Variants in ATAD1 observed in about 807,000 individuals in gnomAD.
The protein encoded by ATAD1 is outer mitochondrial transmembrane helix translocase.
In ATAD1, 18 loss-of-function variants were observed where a neutral mutation model predicts 42.7. That is an observed-to-expected ratio of 0.42 (90% CI 0.29 to 0.63). The LOEUF (loss-of-function observed/expected upper bound fraction) is 0.63. ATAD1 is among the 20% of genes least tolerant of loss of function. The pLI is 0.19. For synonymous variants in ATAD1, 132 were observed against 143.1 expected (o/e 0.92, Z 0.55); for missense variants, 294 against 440.4 (o/e 0.67, Z 2.98).
At chr10:87,804,704 G>A (rs1166908875) in intron 2 of ATAD1, among the ~76,000 whole-genome samples, 2 of 152,108 alleles carry the variant, frequency 1.3e-5, no homozygotes, top group Admixed American at 1.3e-4. Context: ...ACAAAATACT[G>A]TATTTATAAA....
At chr10:87,838,254 C>T (rs1027978283) in intron 1 of ATAD1, among the ~76,000 whole-genome samples, 5 of 152,000 alleles carry the variant, frequency 3.3e-5, no homozygotes, top group East Asian at 1.9e-4. Flanking sequence ...GGGCTGGGCG[C>T]GGTGGCTCAC....
chr10:87,823,932 AT>A (rs1657973876), intron 1 of ATAD1, among the ~76,000 whole-genome samples: 1 of 152,244 alleles, frequency 6.6e-6, no homozygotes, highest in Non-Finnish European at 1.5e-5. Context: ...CTTGAAACAT[AT>A]GTGAAACTAA....
intron 6 of ATAD1, among the ~76,000 whole-genome samples, chr10:87,772,354 C>G (rs1855087232): frequency 6.6e-6 from 1 of 151,998 alleles, no homozygotes. Context: ...CTCAAGCGAT[C>G]CTCCCCACTC....
intron 2 of ATAD1, among the ~76,000 whole-genome samples, chr10:87,804,526 T>C (rs1344491667): frequency 6.6e-6 from 1 of 152,004 alleles, no homozygotes; most frequent in African/African-American, 2.4e-5. Flanking sequence ...CCCATTACCA[T>C]GTCCACCTAA....
At chr10:87,791,649 A>C (rs2131932572) in intron 3 of ATAD1, among the ~76,000 whole-genome samples, 1 of 152,286 alleles carries the variant, frequency 6.6e-6, no homozygotes, top group East Asian at 1.9e-4. Context: ...GCAGACTTTT[A>C]TTTTCTAGAT....
chr10:87,827,343 C>T (rs1462197598), intron 1 of ATAD1, among the ~76,000 whole-genome samples: 3 of 152,124 alleles, frequency 2.0e-5, no homozygotes, highest in Non-Finnish European at 4.4e-5. Flanking sequence ...TCTGGGTTTC[C>T]TCCTCTGAAA....
chr10:87,771,514 G>A (rs1051882666), intron 6 of ATAD1, among the ~76,000 whole-genome samples: 2 of 151,984 alleles, frequency 1.3e-5, no homozygotes, highest in African/African-American at 4.8e-5. Context: ...TGAAGATTCT[G>A]GTAACTGTAA....
chr10:87,782,972 A>G (rs11202553), intron 5 of ATAD1, among the ~76,000 whole-genome samples: 47,502 of 151,404 alleles, frequency 0.31, 7,794 homozygotes, highest in African/African-American at 0.36. Context: ...CAATCCAGCC[A>G]TGACAGAGCG....
At chr10:87,793,784 T>C (rs972386683) in intron 2 of ATAD1, among the ~76,000 whole-genome samples, 4 of 152,226 alleles carry the variant, frequency 2.6e-5, no homozygotes, top group Admixed American at 6.5e-5. Context: ...TACCTAAGTT[T>C]TGGTTATTAC....
At chr10:87,820,061 A>G (rs1411022350), upstream of ATAD1, among the ~76,000 whole-genome samples, 1 of 152,186 alleles carries the variant, frequency 6.6e-6, no homozygotes, top group Non-Finnish European at 1.5e-5. Flanking sequence ...GAAGAACGGA[A>G]AGATTATGAG....
At chr10:87,816,451 C>A (rs546023682) in intron 1 of ATAD1, among the ~76,000 whole-genome samples, 3 of 152,282 alleles carry the variant, frequency 2.0e-5, no homozygotes, top group South Asian at 4.1e-4. Context: ...TGATTTAATT[C>A]ATTCAATTTG....
Position 87,814,540 on chromosome 10 carries a change from A to T in ATAD1, c.60T>A (p.Ile20=), listed in dbSNP as rs747835811. 2.5e-6 allele frequency: 4 copies of T among 1,612,342 alleles called. No individual in the cohort carries two copies. Among genetic ancestry groups the T allele is most frequent in the Non-Finnish European group, 3.4e-6 (4 of 1,179,252 alleles). ...PLSRNEVVGL[I]FRLTIFGAVT... ...CTGCACCAAATATTGTCAAACGGAA[A>T]ATTAAACCAACAACTTCATTCCGAC... is the stretch of plus-strand genomic sequence containing the variant. Residue 20 remains isoleucine, a synonymous_variant, in exon 2 of 10, where the codon ATT becomes ATA. Transcript: ENST00000680024.
chr10:87,754,790 A>G lies in ATAD1; in HGVS notation c.983T>C (p.Ile328Thr). The G allele has an allele frequency of 6.2e-7, 1 of 1,613,198 alleles. No individual in the cohort carries two copies. Among genetic ancestry groups the G allele is most frequent in the Non-Finnish European group, 8.5e-7 (1 of 1,179,392 alleles). ...CAGGTCCTGCTGTTGAACAGGCCGA[A>G]TTTCATCTTCGTCATGGCTAAAATG... is the stretch of plus-strand genomic sequence containing the variant. ...TSEESHDEDE[I>T]RPVQQQDLHR... Residue 328 changes from isoleucine (I) to threonine (T), a missense_variant, in exon 10 of 10, where the codon ATT (isoleucine) becomes ACT (threonine). This residue lies in a region of ATAD1 where 142 missense variants were observed against 174.6 expected (regional missense o/e 0.81). Transcript: ENST00000680024.
intron 8 of ATAD1, among the ~76,000 whole-genome samples, chr10:87,766,027 G>C (rs1439540639): frequency 6.6e-6 from 1 of 151,404 alleles, no homozygotes; most frequent in Non-Finnish European, 1.5e-5. Context: ...AACAGAGAGA[G>C]ATCATGTCAC....
intron 6 of ATAD1, among the ~76,000 whole-genome samples, chr10:87,774,025 A>T (rs1227035200): frequency 3.9e-5 from 6 of 152,180 alleles, no homozygotes. Context: ...GAACCATTCA[A>T]CAAAAGCTAA....
At chr10:87,807,337 C>T (rs1856972708) in intron 2 of ATAD1, among the ~76,000 whole-genome samples, 1 of 152,076 alleles carries the variant, frequency 6.6e-6, no homozygotes, top group Non-Finnish European at 1.5e-5. Context: ...GGATCACTGA[C>T]TATGCACATT....
intron 4 of ATAD1, among the ~76,000 whole-genome samples, chr10:87,788,744 T>C (rs999010689): frequency 1.3e-5 from 2 of 152,214 alleles, no homozygotes; most frequent in African/African-American, 4.8e-5. Context: ...CATTGTCCAA[T>C]TGAGAACTAA....
At chr10:87,766,653 A>C (rs1362274256) in intron 8 of ATAD1, among the ~76,000 whole-genome samples, 11 of 152,242 alleles carry the variant, frequency 7.2e-5, no homozygotes, top group African/African-American at 2.6e-4. Context: ...CATGGTAAAA[A>C]TACAAAAATT....
chr10:87,760,346 T>C (rs914252788), intron 8 of ATAD1, among the ~76,000 whole-genome samples: 2 of 152,074 alleles, frequency 1.3e-5, no homozygotes, highest in Admixed American at 6.6e-5. Flanking sequence ...GGTTTAAAAA[T>C]GTGTGGCACT....
Sources: gnomAD v4.1 joint callset for allele counts (sites outside exome capture counted in the v4.1 genomes callset) on GRCh38, gnomAD v4.1.1 for gene constraint, gnomAD v4.1.1 regional missense constraint, MANE v1.5 for transcripts, NCBI Gene and HGNC (gene_info 2026-07-23, HGNC 2026-07-21) for gene names.